The following DCTN4 variants were observed in gnomAD, a reference collection of about 807,000 sequenced individuals.
The protein encoded by DCTN4 is dynactin 4 (p62).
In DCTN4, 23 loss-of-function variants were observed where a neutral mutation model predicts 62.7. The observed-to-expected ratio is 0.37, with a 90% CI of 0.26 to 0.52. The LOEUF is 0.52. DCTN4 is among the 20% of genes least tolerant of loss of function. The pLI, the probability that DCTN4 is intolerant of heterozygous loss-of-function variation, is 0.92. For synonymous variants in DCTN4, 199 were observed against 202.1 expected, an observed-to-expected ratio of 0.98 and a Z score of 0.13; for missense variants, 514 against 580.4, an observed-to-expected ratio of 0.89 and a Z score of 1.18.
Position 150,708,730 on chromosome 5 carries a change from G to C in DCTN4, c.*2419C>G, listed in dbSNP as rs538124691. On this transcript the variant is annotated 3_prime_UTR_variant, in exon 13 of 13. Transcript: ENST00000447998. Reference sequence around the variant, plus strand: ...CATGCTACTTAGTATCTACATGAGAGCAAACAAAAGACACGCTCAAGCTTT... The same window carrying C: ...CATGCTACTTAGTATCTACATGAGACCAAACAAAAGACACGCTCAAGCTTT... 6.5e-6 allele frequency: 1 copy of C among 152,880 alleles called. No individual in the cohort carries two copies. The highest frequency in any genetic ancestry group is 2.1e-4 in the South Asian group (1 of 4,832). 9.5% of individuals were successfully genotyped at this position (152,880 alleles called of 1,614,324 possible). A position where few individuals can be genotyped will look rare whatever the true frequency, so the allele number is the denominator to read the frequency against.
intron 3 of DCTN4, among the ~76,000 whole-genome samples, chr5:150,745,786 A>C (rs959552783): frequency 6.6e-6 from 1 of 152,046 alleles, no homozygotes; most frequent in African/African-American, 2.4e-5. Flanking sequence ...GGACACATTC[A>C]AAGCAGTGTG....
chr5:150,719,049 C>T (rs146246792), intron 10 of DCTN4, among the ~76,000 whole-genome samples: 18 of 152,202 alleles, frequency 1.2e-4, no homozygotes, highest in Admixed American at 6.5e-4. Context: ...TGACCTCCTG[C>T]ACCCAAGCAA....
rs1759934092 is a variant in DCTN4, at chr5:150,720,877, G to C, written c.909-1107C>G. ...GCTTAAGAAATTGATGCTAAGTACA[G>C]GCTGCCATTCAGGGTTTCTGTAATG... On this transcript the variant is annotated intron_variant, in intron 9 of 12. Coordinates refer to ENST00000447998, the MANE Select transcript of DCTN4 (RefSeq NM_016221.4). Among the ~76,000 whole-genome samples, 7 of 152,306 alleles carry C rather than the reference G, an allele frequency of 4.6e-5. No individual in the cohort carries two copies. In the South Asian group the frequency reaches 1.5e-3, roughly 32 times the overall value.
At chr5:150,719,623 C>A in intron 10 of DCTN4, 93 bp downstream of exon 10, 1 of 883,128 alleles carries the variant, frequency 1.1e-6, no homozygotes, top group Non-Finnish European at 1.9e-6. Flanking sequence ...CTCACTGGAT[C>A]CTGTGCCAAA....
At chr5:150,745,037 A>T (rs961853907) in intron 3 of DCTN4, among the ~76,000 whole-genome samples, 1 of 150,856 alleles carries the variant, frequency 6.6e-6, no homozygotes, top group African/African-American at 2.5e-5. Flanking sequence ...TGCTGTATTC[A>T]GGAAACCCAT....
intron 11 of DCTN4, among the ~76,000 whole-genome samples, chr5:150,718,021 G>A (rs1169549434): frequency 3.9e-5 from 6 of 152,202 alleles, no homozygotes; most frequent in African/African-American, 1.4e-4. Flanking sequence ...AGAAGAAATG[G>A]GTTGAAACAG....
At chr5:150,728,866 T>C (rs992837148) in intron 8 of DCTN4, among the ~76,000 whole-genome samples, 11 of 151,678 alleles carry the variant, frequency 7.3e-5, no homozygotes, top group African/African-American at 2.7e-4. Flanking sequence ...TCTACTATCT[T>C]ACCACACACA....
intron 3 of DCTN4, 74 bp downstream of exon 3, chr5:150,753,405 A>C (rs1752747398): frequency 7.1e-7 from 1 of 1,401,522 alleles, no homozygotes; most frequent in Non-Finnish European, 9.9e-7. Flanking sequence ...AACGGGTTAC[A>C]GAAATAATAA....
At chr5:150,723,917 C>T (rs958761658) in intron 8 of DCTN4, among the ~76,000 whole-genome samples, 2 of 152,110 alleles carry the variant, frequency 1.3e-5, no homozygotes, top group Admixed American at 1.3e-4. Context: ...CTCTGTGTCC[C>T]ACTGTAACAA....
At chr5:150,746,344 A>G (rs1760961551) in intron 3 of DCTN4, among the ~76,000 whole-genome samples, 5 of 152,234 alleles carry the variant, frequency 3.3e-5, no homozygotes, top group Admixed American at 3.3e-4. Context: ...ATCATAGCCA[A>G]ATTCTACCAG....
At chr5:150,734,111 T>A (rs536078945) in intron 4 of DCTN4, 15 of 150,986 alleles carry the variant, frequency 9.9e-5, no homozygotes, top group African/African-American at 2.4e-4. Context: ...AAAAAAAAAA[T>A]GGCAGATAGG....
intron 12 of DCTN4, among the ~76,000 whole-genome samples, chr5:150,713,220 A>T (rs1759632368): frequency 6.6e-6 from 1 of 152,152 alleles, no homozygotes; most frequent in Admixed American, 6.5e-5. Flanking sequence ...TTTTATCCTT[A>T]ATTTCCCAGG....
chr5:150,753,644 A>C lies in DCTN4; in HGVS notation c.220T>G (p.Phe74Val). The change falls in exon 3 of 13, where the codon TTT becomes GTT. Residue 74 changes from phenylalanine (F) to valine (V), a missense_variant. By Grantham distance (50) the Phe-to-Val change is conservative. Coordinates refer to ENST00000447998, the MANE Select transcript of DCTN4 (RefSeq NM_016221.4). ...GTGTGCATGCAGCCAGGACAGTCAA[A>C]ACAATTGGCACATCTGTGACATGAC... ...KLKKNRCANC[F>V]DCPGCMHTLS... 6.2e-7 allele frequency: 1 copy of C among 1,612,256 alleles called. No individual in the cohort carries two copies. The highest frequency in any genetic ancestry group is 1.1e-5 in the South Asian group (1 of 90,892).
intron 7 of DCTN4, 102 bp downstream of exon 7, chr5:150,730,941 CT>C (rs1345619559): frequency 1.2e-6 from 1 of 804,326 alleles, no homozygotes; most frequent in Non-Finnish European, 2.0e-6. Context: ...GTTTTTACTA[CT>C]AACAGCTATT....
intron 3 of DCTN4, among the ~76,000 whole-genome samples, chr5:150,750,232 A>C (rs12652975): frequency 0.15 from 22,950 of 152,160 alleles, 3,135 homozygotes; most frequent in African/African-American, 0.36. Flanking sequence ...TAAATTATAT[A>C]TTGGTAAAGC....
chr5:150,754,782 G>C (rs970073623), intron 2 of DCTN4, among the ~76,000 whole-genome samples: 4 of 152,110 alleles, frequency 2.6e-5, no homozygotes, highest in African/African-American at 9.7e-5. Context: ...TGGGCAACAT[G>C]GCAAAAGCCT....
At chr5:150,749,478 A>C (rs1752591648) in intron 3 of DCTN4, among the ~76,000 whole-genome samples, 1 of 152,098 alleles carries the variant, frequency 6.6e-6, no homozygotes, top group African/African-American at 2.4e-5. Context: ...GAACTCTCCT[A>C]ATTTGCTGGG....
chr5:150,716,053 C>T (rs1297520966), intron 11 of DCTN4, among the ~76,000 whole-genome samples: 3 of 152,084 alleles, frequency 2.0e-5, no homozygotes, highest in African/African-American at 7.2e-5. Context: ...TACAGGTGCC[C>T]ACCACCATGC....
At chr5:150,747,212 C>T (rs566107567) in intron 3 of DCTN4, among the ~76,000 whole-genome samples, 1 of 152,272 alleles carries the variant, frequency 6.6e-6, no homozygotes, top group East Asian at 1.9e-4. Context: ...GAATAAAATA[C>T]TTAGGAATCC....
Sources: gnomAD v4.1 joint callset for allele counts (sites outside exome capture counted in the v4.1 genomes callset) on GRCh38, gnomAD v4.1.1 for gene constraint, MANE v1.5 for transcripts, NCBI Gene and HGNC (gene_info 2026-07-23, HGNC 2026-07-21) for gene names.